SMAGP: variants seen among roughly 807,000 people sequenced by gnomAD.
SMAGP encodes small cell adhesion glycoprotein, also known as small cell transmembrane and glycosylated protein.
In SMAGP, 7 loss-of-function variants were observed where a neutral mutation model predicts 10.1. The ratio of observed to expected loss-of-function variants is 0.70; its 90% CI spans 0.40 to 1.31. The LOEUF is 1.31. Among genes scored for constraint, SMAGP ranks in the 50% most tolerant of loss-of-function variants. SMAGP has a pLI of 0.01. For missense variants in SMAGP, 113 were observed against 116.5 expected (o/e 0.97, Z 0.14); for synonymous variants, 49 against 47.2 (o/e 1.04, Z -0.16).
chr12:51,248,245 T>C (rs1278145246), intron 2 of SMAGP, among the ~76,000 whole-genome samples: 1 of 151,962 alleles, frequency 6.6e-6, no homozygotes. Flanking sequence ...TGATGAACCA[T>C]CCTCATCTTG....
At chr12:51,254,031 GTTAATGT>G (rs1479971462) in intron 2 of SMAGP, among the ~76,000 whole-genome samples, 1 of 152,196 alleles carries the variant, frequency 6.6e-6, no homozygotes, top group African/African-American at 2.4e-5. Flanking sequence ...AAAATGGGGA[GTTAATGT>G]TTAATGAGTA....
intron 2 of SMAGP, among the ~76,000 whole-genome samples, chr12:51,262,248 G>A (rs1944938542): frequency 6.6e-6 from 1 of 152,182 alleles, no homozygotes. Context: ...GGGAGGCTGA[G>A]GCCAGAGGAT....
chr12:51,260,679 A>ATTTTTTTTT (rs1162152346), intron 2 of SMAGP, among the ~76,000 whole-genome samples: 1 of 78,398 alleles, frequency 1.3e-5, no homozygotes. Flanking sequence ...CGCCCGGCCA[A>ATTTTTTTTT]TTTTTTTTTT....
At chr12:51,246,183 A>G in intron 3 of SMAGP, 64 bp from the exon 4 acceptor site, 1 of 1,583,642 alleles carries the variant, frequency 6.3e-7, no homozygotes, top group Non-Finnish European at 8.6e-7. Flanking sequence ...TAGTTCCTGG[A>G]GTCATCTGAT....
At chr12:51,250,514 T>G (rs1365021987) in intron 2 of SMAGP, among the ~76,000 whole-genome samples, 1 of 150,782 alleles carries the variant, frequency 6.6e-6, no homozygotes, top group Non-Finnish European at 1.5e-5. Flanking sequence ...TTTTTTTGTT[T>G]TTTTTTTGTT....
At position 51,269,110 on chromosome 12, in the gene SMAGP, C is replaced by T. The variant is rs556867322; in HGVS notation, c.34+135G>A. 2.0e-4 allele frequency: 186 copies of T among 915,312 alleles called. No individual in the cohort carries two copies. The African/African-American group carries it at 2.6e-3, about 13-fold the overall frequency. The allele number at this position is 915,312 out of a possible 1,614,324, so 56.7% of individuals were successfully genotyped here. A position where few individuals can be genotyped will look rare whatever the true frequency, so the allele number is the denominator to read the frequency against. The stretch of plus-strand genomic sequence containing the variant: ...GGCACACTCTAGTTCCTGCTTCCTC[C>T]CAGGCCCTTCCTGTGTGAGGCAGGC... On this transcript the variant is annotated intron_variant, in intron 2 of 3. Transcript: ENST00000603798.
chr12:51,260,913 C>T (rs1197524967), intron 2 of SMAGP, among the ~76,000 whole-genome samples: 1 of 151,230 alleles, frequency 6.6e-6, no homozygotes, highest in Non-Finnish European at 1.5e-5. Context: ...GTCTCGATCT[C>T]CTGACTTCGT....
rs1944744447 is a variant in SMAGP, at chr12:51,244,842, TGA to T, written c.*1097_*1098del. On this transcript the variant is annotated 3_prime_UTR_variant, in exon 4 of 4. Coordinates refer to ENST00000603798, the MANE Select transcript of SMAGP (RefSeq NM_001031628.2). The stretch of plus-strand genomic sequence containing the variant: ...GTACTTTTTTTTTTTTTTTTTTTTT[TGA>T]GACGGAGTCTCACTCTGTTGCCCAG... 4.0e-5 allele frequency: 6 copies of T among 151,578 alleles called. No homozygotes were observed. Among genetic ancestry groups the T allele is most frequent in the Admixed American group, 1.3e-4 (2 of 14,966 alleles). 9.4% of individuals were successfully genotyped at this position (151,578 alleles called of 1,614,324 possible).
chr12:51,248,434 A>ACACTCTCT (rs1188710796), intron 2 of SMAGP, among the ~76,000 whole-genome samples: 7 of 77,562 alleles, frequency 9.0e-5, no homozygotes, highest in African/African-American at 3.5e-4. Flanking sequence ...ACACACACAC[A>ACACTCTCT]CTCTCTCTCT....
rs186759504 is a variant in SMAGP at position 51,249,158 on chromosome 12, G to C, written c.35-2327C>G. 1.8e-3 allele frequency among the ~76,000 whole-genome samples: 279 copies of C among 152,256 alleles called. 2 individuals carry two copies. The highest frequency in any genetic ancestry group is 0.017 in the Admixed American group (261 of 15,286). ...TCCCGGAGGGTGACGCACCAGGGAG[G>C]GCGTGGAAGCTCCGCCCCCCTCCCC... On this transcript the variant is annotated intron_variant, in intron 2 of 3. Coordinates refer to ENST00000603798, the MANE Select transcript of SMAGP (RefSeq NM_001031628.2).
At chr12:51,267,365 A>C (rs60562119) in intron 2 of SMAGP, among the ~76,000 whole-genome samples, 2,594 of 151,898 alleles carry the variant, frequency 0.017, 67 homozygotes, top group East Asian at 0.11. Context: ...TTTCTCTAAG[A>C]TACCTGCTGC....
chr12:51,254,830 A>G (rs1475238017), intron 2 of SMAGP, among the ~76,000 whole-genome samples: 1 of 152,008 alleles, frequency 6.6e-6, no homozygotes, highest in Non-Finnish European at 1.5e-5. Context: ...ACTGAAAAAC[A>G]CCCCGGGGCC....
At chr12:51,259,364 T>C (rs1487550653) in intron 2 of SMAGP, among the ~76,000 whole-genome samples, 1 of 152,092 alleles carries the variant, frequency 6.6e-6, no homozygotes, top group Non-Finnish European at 1.5e-5. Flanking sequence ...TCCTCCTGCC[T>C]GAACAACACA....
intron 2 of SMAGP, among the ~76,000 whole-genome samples, chr12:51,261,387 A>AC (rs1387114314): frequency 2.6e-5 from 4 of 151,872 alleles, no homozygotes; most frequent in Non-Finnish European, 5.9e-5. Flanking sequence ...GAGCCACCAC[A>AC]CCCGGCCTGG....
chr12:51,252,436 G>A (rs1388606182), intron 2 of SMAGP, among the ~76,000 whole-genome samples: 1 of 150,984 alleles, frequency 6.6e-6, no homozygotes, highest in Non-Finnish European at 1.5e-5. Context: ...GTGTCACCCA[G>A]GCTGGAGTGC....
At chr12:51,260,816 G>A (rs955055639) in intron 2 of SMAGP, among the ~76,000 whole-genome samples, 2 of 148,376 alleles carry the variant, frequency 1.3e-5, no homozygotes, top group African/African-American at 5.0e-5. Flanking sequence ...CTCCCGAGTA[G>A]CTGGGACTAC....
At chr12:51,250,879 C>T (rs927276790) in intron 2 of SMAGP, among the ~76,000 whole-genome samples, 3 of 152,138 alleles carry the variant, frequency 2.0e-5, no homozygotes, top group Non-Finnish European at 4.4e-5. Flanking sequence ...TTATACAACA[C>T]TGTGACTCCC....
chr12:51,270,322 G>C lies in SMAGP; in HGVS notation c.-105C>G, dbSNP rs905150198. ...TCCGCGCGTCCTTTTGAACTCAACG[G>C]GGGCGGGCACCGCGGAGTCGCGGAG... On this transcript the variant is annotated 5_prime_UTR_variant, in exon 1 of 4. Coordinates refer to ENST00000603798, the MANE Select transcript of SMAGP (RefSeq NM_001031628.2). 6.9e-4 allele frequency: 116 copies of C among 167,476 alleles called. No individual in the cohort carries two copies. Among genetic ancestry groups the C allele is most frequent in the Non-Finnish European group, 5.9e-4 (46 of 78,342 alleles). The allele number at this position is 167,476 out of a possible 1,614,324, so 10.4% of individuals were successfully genotyped here. A position where few individuals can be genotyped will look rare whatever the true frequency, so the allele number is the denominator to read the frequency against.
At chr12:51,252,683 G>GCCCCCCCC (rs1353120777) in intron 2 of SMAGP, among the ~76,000 whole-genome samples, 29 of 149,802 alleles carry the variant, frequency 1.9e-4, no homozygotes, top group East Asian at 7.0e-4. Flanking sequence ...GAGCCACATC[G>GCCCCCCCC]CCCCCCGAAG....
Sources: gnomAD v4.1 joint callset for allele counts (sites outside exome capture counted in the v4.1 genomes callset) on GRCh38, gnomAD v4.1.1 for gene constraint, MANE v1.5 for transcripts, NCBI Gene and HGNC (gene_info 2026-07-23, HGNC 2026-07-21) for gene names.